Variants in TAF2 observed in about 807,000 individuals in gnomAD.
TAF2 encodes the protein transcription initiation factor TFIID subunit 2.
A neutral mutation model predicts 138.5 loss-of-function variants in TAF2; 61 were observed. The observed-to-expected ratio is 0.44, with a 90% CI of 0.36 to 0.54. The LOEUF is 0.54. TAF2 is among the 20% of genes least tolerant of loss of function. The pLI, the probability that TAF2 is intolerant of heterozygous loss-of-function variation, is 0.00. For missense variants in TAF2, 1,090 were observed against 1,427.9 expected, an observed-to-expected ratio of 0.76 and a Z score of 3.81; for synonymous variants, 475 against 469.9, an observed-to-expected ratio of 1.01 and a Z score of -0.14.
intron 2 of TAF2, among the ~76,000 whole-genome samples, chr8:119,824,885 T>C (rs1296225559): frequency 1.3e-5 from 2 of 152,208 alleles, no homozygotes; most frequent in Non-Finnish European, 2.9e-5. Flanking sequence ...GGCAGAAATT[T>C]GCTGTAGAGG....
intron 25 of TAF2, among the ~76,000 whole-genome samples, chr8:119,735,362 A>C (rs1819157912): frequency 6.6e-6 from 1 of 152,182 alleles, no homozygotes; most frequent in Admixed American, 6.5e-5. Context: ...TTTCTTTTTA[A>C]ATGTCAGGTG....
At chr8:119,754,783 T>C (rs546386973) in intron 22 of TAF2, among the ~76,000 whole-genome samples, 3 of 152,316 alleles carry the variant, frequency 2.0e-5, no homozygotes, top group East Asian at 3.9e-4. Context: ...AGCTTCTGAC[T>C]GAATCTTTAA....
In TAF2 at chr8:119,788,320, T is replaced by C; in HGVS notation, c.1793+18A>G. 6.3e-7 allele frequency: 1 copy of C among 1,591,790 alleles called. No homozygotes were observed. Among genetic ancestry groups the C allele is most frequent in the Non-Finnish European group, 8.6e-7 (1 of 1,159,766 alleles). On this transcript the variant is annotated intron_variant, in intron 14 of 25. Transcript: ENST00000378164. ...TTGTAGTTTAACTTTCAATTTATAG[T>C]TATTATGTAATGCCTACCTTCTACT...
chr8:119,773,502 C>T (rs141637263), intron 18 of TAF2, among the ~76,000 whole-genome samples: 1,542 of 151,606 alleles, frequency 0.01, 38 homozygotes, highest in Non-Finnish European at 0.015. Context: ...CCTCTTTGTA[C>T]TTACATAATT....
At chr8:119,824,401 C>G (rs1242470552) in intron 2 of TAF2, among the ~76,000 whole-genome samples, 1 of 149,648 alleles carries the variant, frequency 6.7e-6, no homozygotes, top group African/African-American at 2.5e-5. Context: ...TGCACTCCAG[C>G]CTGGGGGACA....
At chr8:119,796,090 G>A (rs1170779914) in intron 8 of TAF2, among the ~76,000 whole-genome samples, 1 of 147,854 alleles carries the variant, frequency 6.8e-6, no homozygotes. Context: ...ATTTTTTTTT[G>A]CTTTCTCTAG....
chr8:119,732,229 C>T (rs751514119), intron 25 of TAF2, 43 bp from the exon 26 acceptor site: 31 of 1,587,000 alleles, frequency 2.0e-5, no homozygotes, highest in Admixed American at 3.3e-5. Context: ...GCTGATGATA[C>T]GGAAAGCCAG....
chr8:119,737,582 T>C (rs1321151519), intron 25 of TAF2, among the ~76,000 whole-genome samples: 1 of 151,436 alleles, frequency 6.6e-6, no homozygotes, highest in African/African-American at 2.4e-5. Context: ...GATTTTGGCT[T>C]ACTACAACCT....
intron 24 of TAF2, among the ~76,000 whole-genome samples, chr8:119,743,350 A>C (rs1819733265): frequency 6.6e-6 from 1 of 152,110 alleles, no homozygotes; most frequent in African/African-American, 2.4e-5. Flanking sequence ...CACTATAAAG[A>C]AAAGCAACAG....
At chr8:119,809,970 T>C (rs1824925891) in intron 3 of TAF2, among the ~76,000 whole-genome samples, 1 of 137,148 alleles carries the variant, frequency 7.3e-6, no homozygotes. Flanking sequence ...ACTTTCTTGA[T>C]GTAAGGTTAT....
chr8:119,747,722 T>C (rs1285820989), intron 22 of TAF2, among the ~76,000 whole-genome samples: 10 of 152,168 alleles, frequency 6.6e-5, no homozygotes, highest in Non-Finnish European at 1.2e-4. Context: ...AAGATGAAAT[T>C]TGTCAGCTAG....
intron 23 of TAF2, among the ~76,000 whole-genome samples, chr8:119,745,424 TA>T (rs572280261): frequency 0.16 from 24,701 of 152,164 alleles, 3,509 homozygotes; most frequent in African/African-American, 0.38. Flanking sequence ...ATGTCTGTCT[TA>T]CTTCTTCATA....
chr8:119,792,486 T>C (rs896849489), intron 10 of TAF2, among the ~76,000 whole-genome samples: 2 of 152,114 alleles, frequency 1.3e-5, no homozygotes, highest in African/African-American at 2.4e-5. Context: ...CCTAGAAGAA[T>C]TGCTGGATCT....
intron 16 of TAF2, 147 bp from the exon 17 acceptor site, chr8:119,781,340 T>G (rs1273763045): frequency 9.8e-7 from 1 of 1,017,200 alleles, no homozygotes; most frequent in Non-Finnish European, 1.4e-6. Flanking sequence ...ATTTAGCATT[T>G]TATCACCATT....
chr8:119,741,992 T>C (rs1048037093), intron 25 of TAF2, among the ~76,000 whole-genome samples: 7 of 152,200 alleles, frequency 4.6e-5, no homozygotes, highest in African/African-American at 1.7e-4. Flanking sequence ...CACATCTGAA[T>C]TAAATTACTT....
Position 119,732,047 on chromosome 8 carries a change from C to T in TAF2, c.3477G>A (p.Lys1159=), listed in dbSNP as rs1024224144. 9 of 1,614,134 alleles carry T rather than the reference C, an allele frequency of 5.6e-6. No homozygotes were observed. Among genetic ancestry groups the T allele is most frequent in the Non-Finnish European group, 7.6e-6 (9 of 1,179,994 alleles). The change falls in exon 26 of 26, where the codon AAG becomes AAA. Residue 1159 remains lysine, a synonymous_variant. Transcript: ENST00000378164. ...TGTGTTTGTGCTTATGTTTATGCTT[C>T]TTCTTCTTTTTCTTGTGCTCATGGT... is the stretch of plus-strand genomic sequence containing the variant. The part of the protein sequence containing the change: ...HHHHEHKKKK[K]KHKHKHKHKH...
At chr8:119,805,993 C>T (rs1824611236) in intron 4 of TAF2, among the ~76,000 whole-genome samples, 1 of 151,796 alleles carries the variant, frequency 6.6e-6, no homozygotes, top group South Asian at 2.1e-4. Flanking sequence ...CAATCTCCAC[C>T]TCCTGGGTTC....
chr8:119,799,771 G>A (rs967234350), intron 6 of TAF2, among the ~76,000 whole-genome samples: 6 of 152,236 alleles, frequency 3.9e-5, no homozygotes, highest in African/African-American at 1.2e-4. Flanking sequence ...CCCACCAACA[G>A]TGTAAAAGTG....
intron 4 of TAF2, among the ~76,000 whole-genome samples, chr8:119,805,671 C>T (rs2131219127): frequency 6.6e-6 from 1 of 151,894 alleles, no homozygotes; most frequent in Admixed American, 6.6e-5. Flanking sequence ...CGCCATTGCA[C>T]TCCACCCTGG....
Sources: allele counts gnomAD v4.1 joint callset (sites outside exome capture counted in the v4.1 genomes callset), GRCh38; gene constraint gnomAD v4.1.1; transcripts MANE v1.5; gene names NCBI Gene and HGNC (gene_info 2026-07-23, HGNC 2026-07-21).